Variants in DAB1 observed in about 807,000 individuals in gnomAD.
DAB1 encodes the protein DAB adaptor protein 1, also known as disabled homolog 1.
DAB1 carries 15 observed loss-of-function variants against 64.6 expected under a neutral mutation model. That is an observed-to-expected ratio of 0.23 (90% confidence interval 0.16 to 0.36). The LOEUF is 0.36. DAB1 is among the 10% of genes least tolerant of loss of function. DAB1 has a pLI of 1.00. For synonymous variants in DAB1, 235 were observed against 251.9 expected (o/e 0.93, Z 0.64); for missense variants, 596 against 706.7 (o/e 0.84, Z 1.78).
rs1668347004 is a variant in DAB1, at chr1:57,239,494, ATATC to A, written c.67+51466_67+51469del. On this transcript the variant is annotated intron_variant, in intron 2 of 14. Coordinates refer to ENST00000371236, the MANE Select transcript of DAB1 (RefSeq NM_001365792.1). The stretch of plus-strand genomic sequence containing the variant: ...ATGACCATGGATATATAAATAAACA[ATATC>A]TAGCTGATTTAGGCAATGGGGAGTG... 1.3e-5 allele frequency among the ~76,000 whole-genome samples: 2 copies of A among 152,130 alleles called. 1 individual carries two copies. The highest frequency in any genetic ancestry group is 4.1e-4 in the South Asian group (2 of 4,822).
At chr1:57,308,599 T>A (rs1674396987) in intron 1 of DAB1, among the ~76,000 whole-genome samples, 3 of 152,224 alleles carry the variant, frequency 2.0e-5, no homozygotes, top group Non-Finnish European at 4.4e-5. Flanking sequence ...GCACTGACTT[T>A]TCATCTTCTA....
chr1:58,272,241 T>C, intron 4 of DAB1, among the ~76,000 whole-genome samples: 1 of 15,624 alleles, frequency 6.4e-5, no homozygotes, highest in African/African-American at 2.5e-4. Flanking sequence ...TTCTCGTTGG[T>C]TTCAAAGAAC....
intron 1 of DAB1, among the ~76,000 whole-genome samples, chr1:57,844,957 A>T (rs1653215312): frequency 6.6e-6 from 1 of 151,964 alleles, no homozygotes; most frequent in Non-Finnish European, 1.5e-5. Context: ...GTGCTTTACC[A>T]CCCCTTACTT....
chr1:57,695,621 C>T (rs1023140114), intron 6 of DAB1, among the ~76,000 whole-genome samples: 4 of 152,032 alleles, frequency 2.6e-5, no homozygotes, highest in African/African-American at 4.8e-5. Flanking sequence ...AATGGAGAGC[C>T]GGGAGCGGTG....
chr1:57,428,819 C>G (rs770254645), upstream of DAB1, among the ~76,000 whole-genome samples: 1 of 138,172 alleles, frequency 7.2e-6, no homozygotes, highest in Non-Finnish European at 1.5e-5. Flanking sequence ...TTTGCACCAA[C>G]ACTTCTTACA....
At chr1:57,314,604 T>A (rs1675029339) in intron 1 of DAB1, among the ~76,000 whole-genome samples, 1 of 152,006 alleles carries the variant, frequency 6.6e-6, no homozygotes, top group Admixed American at 6.5e-5. Context: ...CTCTATCTCG[T>A]AAGGATGCTC....
intron 7 of DAB1, among the ~76,000 whole-genome samples, chr1:57,474,147 G>C (rs1480616440): frequency 6.6e-6 from 1 of 152,060 alleles, no homozygotes; most frequent in East Asian, 1.9e-4. Flanking sequence ...TTATAATACC[G>C]AATATATGAT....
intron 1 of DAB1, among the ~76,000 whole-genome samples, chr1:57,293,055 T>C (rs1263352783): frequency 6.6e-6 from 1 of 151,900 alleles, no homozygotes; most frequent in East Asian, 1.9e-4. Context: ...GAATGAGTGG[T>C]TGTCTCAGGC....
At chr1:57,280,818 T>A (rs1422745058) in intron 2 of DAB1, among the ~76,000 whole-genome samples, 4 of 152,324 alleles carry the variant, frequency 2.6e-5, no homozygotes, top group Admixed American at 6.5e-5. Context: ...GAGATTTTTT[T>A]AAATTTTTTT....
intron 2 of DAB1, among the ~76,000 whole-genome samples, chr1:57,229,199 T>C (rs962775144): frequency 5.3e-5 from 8 of 150,398 alleles, no homozygotes; most frequent in South Asian, 4.2e-4. Flanking sequence ...TCTTCTTCTT[T>C]TTTTTTTTTT....
intron 4 of DAB1, among the ~76,000 whole-genome samples, chr1:58,246,553 T>C (rs964751354): frequency 2.0e-5 from 3 of 152,228 alleles, no homozygotes; most frequent in South Asian, 2.1e-4. Context: ...ATGTATTTCA[T>C]ATGTGGTATG....
intron 4 of DAB1, among the ~76,000 whole-genome samples, chr1:58,186,552 C>G (rs1657088428): frequency 6.6e-6 from 1 of 152,042 alleles, no homozygotes; most frequent in African/African-American, 2.4e-5. Flanking sequence ...GAATACATTG[C>G]AGAAATTCTA....
intron 6 of DAB1, among the ~76,000 whole-genome samples, chr1:57,665,789 C>T (rs1646439014): frequency 6.7e-6 from 1 of 149,892 alleles, no homozygotes; most frequent in Non-Finnish European, 1.5e-5. Flanking sequence ...CAAATAAATA[C>T]ATGTGTTGTT....
chr1:58,050,218 G>A (rs72906507), intron 5 of DAB1, among the ~76,000 whole-genome samples: 1,905 of 152,250 alleles, frequency 0.013, 27 homozygotes, highest in African/African-American at 0.044. Flanking sequence ...GAAATTTATC[G>A]GGCCAGTTAC....
intron 2 of DAB1, among the ~76,000 whole-genome samples, chr1:57,278,005 A>G (rs185450901): frequency 1.3e-5 from 2 of 152,352 alleles, no homozygotes; most frequent in East Asian, 1.9e-4. Flanking sequence ...TGAATCTGCA[A>G]TGATGACATA....
At chr1:57,737,627 G>A (rs1205442240) in intron 6 of DAB1, among the ~76,000 whole-genome samples, 1 of 152,210 alleles carries the variant, frequency 6.6e-6, no homozygotes, top group Non-Finnish European at 1.5e-5. Flanking sequence ...CAGGAACAAT[G>A]AGTGAGTGGA....
chr1:57,953,546 G>T (rs745787300), intron 5 of DAB1, among the ~76,000 whole-genome samples: 1 of 152,094 alleles, frequency 6.6e-6, no homozygotes, highest in Non-Finnish European at 1.5e-5. Context: ...CTCCAACTAG[G>T]CCTATCTTTT....
intron 4 of DAB1, among the ~76,000 whole-genome samples, chr1:58,290,717 T>C (rs1264260628): frequency 6.6e-6 from 1 of 152,176 alleles, no homozygotes; most frequent in African/African-American, 2.4e-5. Flanking sequence ...GAGATCATTA[T>C]TCATTTCTGG....
intron 5 of DAB1, among the ~76,000 whole-genome samples, chr1:58,087,706 C>T (rs1388702113): frequency 6.7e-6 from 1 of 149,012 alleles, no homozygotes; most frequent in African/African-American, 2.5e-5. Flanking sequence ...CAGCATTTAC[C>T]TGAAAATAAA....
Sources: gnomAD v4.1 joint callset for allele counts (sites outside exome capture counted in the v4.1 genomes callset) on GRCh38, gnomAD v4.1.1 for gene constraint, MANE v1.5 for transcripts, NCBI Gene and HGNC (gene_info 2026-07-23, HGNC 2026-07-21) for gene names.